GLIPR1L2: variants seen among roughly 807,000 people sequenced by gnomAD.
GLIPR1L2 encodes GLIPR1-like protein 2.
GLIPR1L2 carries 21 observed loss-of-function variants against 28.4 expected under a neutral mutation model. The observed-to-expected ratio is 0.74, with a 90% CI of 0.52 to 1.06. GLIPR1L2 has a LOEUF of 1.06. Ranked by LOEUF, GLIPR1L2 falls within the 50% of genes least tolerant of loss-of-function variation. The pLI is 0.00. For synonymous variants in GLIPR1L2, 145 were observed against 139.3 expected, an observed-to-expected ratio of 1.04 and a Z score of -0.29; for missense variants, 476 against 416.9, an observed-to-expected ratio of 1.14 and a Z score of -1.23.
intron 3 of GLIPR1L2, among the ~76,000 whole-genome samples, chr12:75,413,922 C>T (rs1442475414): frequency 6.6e-6 from 1 of 151,912 alleles, no homozygotes; most frequent in Admixed American, 6.6e-5. Flanking sequence ...GTAACCTTCA[C>T]TTTAGTATTA....
intron 1 of GLIPR1L2, chr12:75,403,125 ATGAT>A: frequency 2.2e-6 from 1 of 456,888 alleles, no homozygotes; most frequent in South Asian, 1.5e-5. Flanking sequence ...TCACTCCTGA[ATGAT>A]TGATTGGGGA....
chr12:75,413,123 C>G (rs989593029), intron 2 of GLIPR1L2, among the ~76,000 whole-genome samples: 19 of 150,596 alleles, frequency 1.3e-4, no homozygotes, highest in Non-Finnish European at 2.5e-4. Context: ...CATGTTCTCA[C>G]TCATAGGTGG....
At chr12:75,406,416 A>AT (rs1272608121) in intron 1 of GLIPR1L2, among the ~76,000 whole-genome samples, 1 of 152,148 alleles carries the variant, frequency 6.6e-6, no homozygotes. Flanking sequence ...AGTTAAAACT[A>AT]ATTAGACTTA....
At chr12:75,425,568 G>A (rs1594031693) in intron 4 of GLIPR1L2, among the ~76,000 whole-genome samples, 1 of 152,304 alleles carries the variant, frequency 6.6e-6, no homozygotes, top group East Asian at 1.9e-4. Context: ...CCCTAAGTTG[G>A]CCAATTAATA....
intron 4 of GLIPR1L2, chr12:75,423,278 G>T: frequency 8.3e-7 from 1 of 1,211,900 alleles, no homozygotes; most frequent in East Asian, 3.8e-5. Flanking sequence ...CACAGTTTAT[G>T]CCCAAACAGC....
At chr12:75,421,389 C>A (rs905132045) in intron 3 of GLIPR1L2, among the ~76,000 whole-genome samples, 1 of 152,164 alleles carries the variant, frequency 6.6e-6, no homozygotes, top group Non-Finnish European at 1.5e-5. Context: ...TTGGGTATCA[C>A]CCAAACTCTC....
At chr12:75,403,102 G>A (rs2139929392) in intron 1 of GLIPR1L2, 1 of 457,074 alleles carries the variant, frequency 2.2e-6, no homozygotes, top group South Asian at 1.5e-5. Flanking sequence ...GCACCCCTTT[G>A]AAGACTTTGT....
chr12:75,422,388 C>T (rs569981621), intron 3 of GLIPR1L2, among the ~76,000 whole-genome samples: 42 of 151,042 alleles, frequency 2.8e-4, no homozygotes, highest in African/African-American at 7.3e-4. Context: ...CTGCAAGCTC[C>T]GCCTCCTGGG....
intron 1 of GLIPR1L2, among the ~76,000 whole-genome samples, chr12:75,393,635 A>G (rs1307505927): frequency 6.6e-6 from 1 of 152,020 alleles, no homozygotes; most frequent in Non-Finnish European, 1.5e-5. Context: ...TTGTTTATCC[A>G]TTCATTGGTC....
chr12:75,392,629 C>T (rs2045638757), intron 1 of GLIPR1L2, among the ~76,000 whole-genome samples: 1 of 151,946 alleles, frequency 6.6e-6, no homozygotes, highest in Admixed American at 6.6e-5. Context: ...TTTTTTGTGA[C>T]TAATTCTGTT....
intron 4 of GLIPR1L2, among the ~76,000 whole-genome samples, chr12:75,426,670 T>C (rs2046037517): frequency 1.3e-5 from 2 of 152,244 alleles, no homozygotes; most frequent in African/African-American, 4.8e-5. Flanking sequence ...GTAGTAATGC[T>C]GCTTTGGCAA....
At position 75,391,139 on chromosome 12, in the gene GLIPR1L2, C is replaced by T. The variant is rs1017221362; in HGVS notation, c.23C>T (p.Ala8Val). The T allele has an allele frequency of 6.2e-7, 1 of 1,613,848 alleles. No homozygotes were observed. The highest frequency in any genetic ancestry group is 8.5e-7 in the Non-Finnish European group (1 of 1,179,934). Residue 8 changes from alanine to valine, a missense_variant, in exon 1 of 6, where the codon GCC (alanine) becomes GTC (valine). Transcript: ENST00000550916. ...ACCATGGAGGCCGCAAGGCCCTTCG[C>T]CCGGGAGTGGAGGGCCCAGTCCCTA... MEAARPF[A>V]REWRAQSLPL... is the part of the protein sequence containing the mutation.
At chr12:75,403,463 G>A (rs2045764048) in intron 1 of GLIPR1L2, among the ~76,000 whole-genome samples, 1 of 152,048 alleles carries the variant, frequency 6.6e-6, no homozygotes. Context: ...ATTTGATTCT[G>A]CTTCTCTCCT....
intron 1 of GLIPR1L2, among the ~76,000 whole-genome samples, chr12:75,399,420 A>G (rs1182732405): frequency 1.3e-5 from 2 of 152,158 alleles, no homozygotes; most frequent in East Asian, 1.9e-4. Flanking sequence ...CAACTAGTCA[A>G]CAATTCCCCA....
chr12:75,402,977 C>T (rs945960419), intron 1 of GLIPR1L2: 4 of 456,798 alleles, frequency 8.8e-6, no homozygotes, highest in East Asian at 6.9e-5. Flanking sequence ...AAGTCCTCCA[C>T]TTTGTTAACA....
At chr12:75,391,627 A>G in intron 1 of GLIPR1L2, 1 of 920,296 alleles carries the variant, frequency 1.1e-6, no homozygotes, top group South Asian at 1.5e-5. Flanking sequence ...CAAGAAAATG[A>G]TATTTTAATG....
Position 75,430,859 on chromosome 12 carries a change from C to T in GLIPR1L2, c.733C>T (p.Arg245Trp), listed in dbSNP as rs776493562. ...TTGGTATCCAAAATGGGAAATGCCC[C>T]GGCCAGTTGTGTGTGATCCACTGTG... The part of the protein sequence containing the change: ...RFWYPKWEMP[R>W]PVVCDPLCTF... Residue 245 changes from arginine to tryptophan, a missense_variant, in exon 6 of 6, where the codon CGG becomes TGG. Physicochemically the swap from Arg to Trp is moderately radical, Grantham distance 101 (BLOSUM62 -3). Coordinates refer to ENST00000550916, the MANE Select transcript of GLIPR1L2 (RefSeq NM_001270396.2). 1.4e-4 allele frequency: 221 copies of T among 1,534,194 alleles called. 2 individuals carry two copies. The South Asian group carries it at 2.2e-3, about 15-fold the overall frequency.
chr12:75,410,399 T>A (rs2045852982), intron 1 of GLIPR1L2, 35 bp from the exon 2 acceptor site: 1 of 1,450,516 alleles, frequency 6.9e-7, no homozygotes, highest in Non-Finnish European at 9.1e-7. Context: ...AAAAAAAACT[T>A]ATTTTGTTCT....
intron 1 of GLIPR1L2, among the ~76,000 whole-genome samples, chr12:75,396,263 C>G (rs1307598773): frequency 6.6e-6 from 1 of 152,118 alleles, no homozygotes; most frequent in Non-Finnish European, 1.5e-5. Context: ...CCCTGGGGCT[C>G]AAGTGATCCT....
Sources: allele counts gnomAD v4.1 joint callset (sites outside exome capture counted in the v4.1 genomes callset), GRCh38; gene constraint gnomAD v4.1.1; transcripts MANE v1.5; gene names NCBI Gene and HGNC (gene_info 2026-07-23, HGNC 2026-07-21).